Variants in PAQR5 observed in about 807,000 individuals in gnomAD.
PAQR5 encodes progestin and adipoQ receptor family member 5.
PAQR5 carries 20 observed loss-of-function variants against 34.5 expected under a neutral mutation model. The ratio of observed to expected loss-of-function variants is 0.58; its 90% CI spans 0.41 to 0.84. The LOEUF is 0.84. PAQR5 is among the 40% of genes least tolerant of loss of function. The pLI is 0.00. For synonymous variants in PAQR5, 131 were observed against 155.6 expected (o/e 0.84, Z 1.18); for missense variants, 378 against 412.7 (o/e 0.92, Z 0.73).
intron 3 of PAQR5, among the ~76,000 whole-genome samples, chr15:69,368,796 T>C (rs1263577543): frequency 6.6e-6 from 1 of 152,172 alleles, no homozygotes; most frequent in Non-Finnish European, 1.5e-5. Context: ...GACAGGGTCT[T>C]GCTCTGTCAC....
intron 1 of PAQR5, among the ~76,000 whole-genome samples, chr15:69,330,081 C>G (rs1249482832): frequency 6.6e-6 from 1 of 152,160 alleles, no homozygotes; most frequent in Non-Finnish European, 1.5e-5. Context: ...AGAGAGAAGA[C>G]CTGACCTTGG....
In PAQR5 at chr15:69,313,080, G is replaced by A. The variant is rs574347117; in HGVS notation, c.-277+14024G>A. ...CAGCAAGTGCTTGCCTAGTTCTCACGAACCCTGAACTGGGTCAGGTGGCAT... is the reference window on the plus strand; with the variant it reads ...CAGCAAGTGCTTGCCTAGTTCTCACAAACCCTGAACTGGGTCAGGTGGCAT... On this transcript the variant is annotated intron_variant, in intron 1 of 8. Coordinates refer to ENST00000395407, the MANE Select transcript of PAQR5 (RefSeq NM_017705.4). Among the ~76,000 whole-genome samples, 224 of 152,286 alleles carry A rather than the reference G, an allele frequency of 1.5e-3. 4 individuals carry two copies. Among genetic ancestry groups the A allele is most frequent in the African/African-American group, 5.1e-3 (211 of 41,548 alleles).
chr15:69,399,329 G>A (rs1258815298), intron 7 of PAQR5, among the ~76,000 whole-genome samples: 1 of 152,150 alleles, frequency 6.6e-6, no homozygotes, highest in African/African-American at 2.4e-5. Context: ...CAGCAAGACC[G>A]ACCCCTTTTC....
chr15:69,352,442 C>A (rs1391245958), intron 2 of PAQR5, among the ~76,000 whole-genome samples: 1 of 152,194 alleles, frequency 6.6e-6, no homozygotes, highest in Non-Finnish European at 1.5e-5. Flanking sequence ...CCTGAAGACA[C>A]AAGTAAGTTA....
chr15:69,372,851 A>G (rs2055600534), intron 3 of PAQR5, among the ~76,000 whole-genome samples: 1 of 152,204 alleles, frequency 6.6e-6, no homozygotes, highest in African/African-American at 2.4e-5. Context: ...CTGATCTTGC[A>G]TTAGTTTTCT....
At chr15:69,369,168 A>C (rs902236998) in intron 3 of PAQR5, among the ~76,000 whole-genome samples, 3 of 151,984 alleles carry the variant, frequency 2.0e-5, no homozygotes, top group Non-Finnish European at 2.9e-5. Context: ...TTTGATCTCT[A>C]TCTCTGCCGT....
At position 69,358,633 on chromosome 15, in the gene PAQR5, AT is replaced by A. The variant is rs71149910; in HGVS notation, c.-115-1317del. 4.7e-5 allele frequency among the ~76,000 whole-genome samples: 4 copies of A among 84,474 alleles called. No individual in the cohort carries two copies. The South Asian group carries it at 1.8e-3, about 38-fold the overall frequency. 55.4% of individuals were successfully genotyped at this position (84,474 alleles called of 152,430 possible). On this transcript the variant is annotated intron_variant, in intron 2 of 8. Transcript: ENST00000395407. Reference sequence around the variant, plus strand: ...GCCCTTTTCTTTTCAGCTCTGTGGCATTTTTTTTTTTTTTTTGAGACAGATT... The same window carrying A: ...GCCCTTTTCTTTTCAGCTCTGTGGCATTTTTTTTTTTTTTTGAGACAGATT...
chr15:69,306,412 C>CTTTTT (rs34752383), intron 1 of PAQR5, among the ~76,000 whole-genome samples: 3 of 127,622 alleles, frequency 2.4e-5, no homozygotes, highest in Admixed American at 8.7e-5. Flanking sequence ...ACCATTTAAC[C>CTTTTT]TTTTTTTTTT....
chr15:69,309,774 G>A (rs895763212), intron 1 of PAQR5, among the ~76,000 whole-genome samples: 1 of 152,086 alleles, frequency 6.6e-6, no homozygotes, highest in Admixed American at 6.5e-5. Context: ...TCTTGGCCAG[G>A]TGCGGTGGTT....
chr15:69,353,358 C>T (rs945037981), intron 2 of PAQR5, among the ~76,000 whole-genome samples: 5 of 152,216 alleles, frequency 3.3e-5, no homozygotes, highest in African/African-American at 1.2e-4. Flanking sequence ...GTCAAAACTA[C>T]CATCCATGGA....
chr15:69,322,676 A>AGAAGAAGGAGAAGAG (rs2054126620), intron 1 of PAQR5, among the ~76,000 whole-genome samples: 1 of 121,194 alleles, frequency 8.3e-6, no homozygotes, highest in South Asian at 2.7e-4. Context: ...AAAAAAAAGA[A>AGAAGAAGGAGAAGAG]GAAGAAGGAG....
intron 2 of PAQR5, among the ~76,000 whole-genome samples, chr15:69,356,972 C>T (rs1567018210): frequency 6.6e-6 from 1 of 151,552 alleles, no homozygotes; most frequent in East Asian, 1.9e-4. Flanking sequence ...GGGGCAGATC[C>T]CTCGTGGCTT....
At chr15:69,308,712 T>C (rs2053769023) in intron 1 of PAQR5, among the ~76,000 whole-genome samples, 1 of 152,120 alleles carries the variant, frequency 6.6e-6, no homozygotes, top group Non-Finnish European at 1.5e-5. Flanking sequence ...AAGAATTAGT[T>C]AGGATACAGC....
chr15:69,305,590 G>A lies in PAQR5; in HGVS notation c.-277+6534G>A, dbSNP rs564421323. Among the ~76,000 whole-genome samples the A allele has an allele frequency of 6.6e-5, 10 of 152,122 alleles. No individual in the cohort carries two copies. In the South Asian group the frequency reaches 1.0e-3, roughly 16 times the overall value. On this transcript the variant is annotated intron_variant, in intron 1 of 8. Transcript: ENST00000395407. ...ACTAAGGTCAGTGGCCTTCCAGTGC[G>A]GGGCAGCGTGGTGAGTAATCATCTA...
chr15:69,382,066 A>G (rs1349897669), intron 4 of PAQR5, among the ~76,000 whole-genome samples: 1 of 152,198 alleles, frequency 6.6e-6, no homozygotes, highest in Non-Finnish European at 1.5e-5. Flanking sequence ...CAGCTGTGGG[A>G]CTAGCTATTC....
intron 2 of PAQR5, among the ~76,000 whole-genome samples, chr15:69,347,274 C>T (rs1190428919): frequency 2.6e-5 from 4 of 152,128 alleles, no homozygotes; most frequent in Non-Finnish European, 5.9e-5. Context: ...TTGGGTCTTA[C>T]CTGATAGTTT....
rs372402823 is a variant in PAQR5 at position 69,358,925 on chromosome 15, CA to C, written c.-115-1039del. On this transcript the variant is annotated intron_variant, in intron 2 of 8. Coordinates refer to ENST00000395407, the MANE Select transcript of PAQR5 (RefSeq NM_017705.4). ...GCCACCACACCTGGCCTTAGCTCTG[CA>C]ATTTTATGATCACTGTCTTAGTCCA... Among the ~76,000 whole-genome samples the C allele has an allele frequency of 3.3e-3, 503 of 152,170 alleles. 5 individuals carry two copies. Among genetic ancestry groups the C allele is most frequent in the African/African-American group, 0.012 (490 of 41,514 alleles).
At chr15:69,387,722 C>T (rs796316276) in intron 5 of PAQR5, among the ~76,000 whole-genome samples, 1 of 152,186 alleles carries the variant, frequency 6.6e-6, no homozygotes, top group Admixed American at 6.5e-5. Context: ...CTGTCCCCTG[C>T]CTTCCTCCAT....
chr15:69,365,081 T>C (rs1422804838), intron 3 of PAQR5, among the ~76,000 whole-genome samples: 2 of 98,672 alleles, frequency 2.0e-5, no homozygotes, highest in African/African-American at 1.2e-4. Flanking sequence ...TATTTTATTT[T>C]ATTTTATTTT....
Sources: gnomAD v4.1 joint callset for allele counts (sites outside exome capture counted in the v4.1 genomes callset) on GRCh38, gnomAD v4.1.1 for gene constraint, MANE v1.5 for transcripts, NCBI Gene and HGNC (gene_info 2026-07-23, HGNC 2026-07-21) for gene names.